The following POLR1A variants were observed in gnomAD, a reference collection of about 807,000 sequenced individuals.
POLR1A encodes the protein RNA polymerase I subunit A.
A neutral mutation model predicts 205.3 loss-of-function variants in POLR1A; 84 were observed. The observed-to-expected ratio is 0.41, with a 90% confidence interval of 0.34 to 0.49. POLR1A has a LOEUF of 0.49. Ranked by LOEUF, POLR1A falls within the 20% of genes least tolerant of loss-of-function variation. POLR1A has a pLI of 0.22. For missense variants in POLR1A, 1,645 were observed against 2,204.5 expected, an observed-to-expected ratio of 0.75 and a Z score of 5.08; for synonymous variants, 799 against 863.7, an observed-to-expected ratio of 0.93 and a Z score of 1.31.
chr2:86,042,222 G>A (rs1308751696), intron 23 of POLR1A, 119 bp from the exon 24 acceptor site: 1 of 731,018 alleles, frequency 1.4e-6, no homozygotes, highest in Admixed American at 2.2e-5. Flanking sequence ...ATTGCAATGA[G>A]AAACCATCTC....
At chr2:86,092,363 C>T (rs1007568131) in intron 3 of POLR1A, among the ~76,000 whole-genome samples, 3 of 152,188 alleles carry the variant, frequency 2.0e-5, no homozygotes, top group African/African-American at 7.2e-5. Context: ...AGGGGGGCTC[C>T]CATAGCCGCT....
Position 86,081,590 on chromosome 2 carries a change from A to C in POLR1A, c.923+11T>G. The C allele has an allele frequency of 6.6e-7, 1 of 1,509,234 alleles. No homozygotes were observed. The highest frequency in any genetic ancestry group is 9.1e-7 in the Non-Finnish European group (1 of 1,099,004). 93.5% of individuals were successfully genotyped at this position (1,509,234 alleles called of 1,614,324 possible). A position where few individuals can be genotyped will look rare whatever the true frequency, so the allele number is the denominator to read the frequency against. ...TTTTTCAGGTGAAATAAGTTAATTAAAGGGTATTACCTTGAGGGCGGCACC... is the reference window on the plus strand; with the variant it reads ...TTTTTCAGGTGAAATAAGTTAATTACAGGGTATTACCTTGAGGGCGGCACC... On this transcript the variant is annotated intron_variant, in intron 8 of 33. Coordinates refer to ENST00000263857, the MANE Select transcript of POLR1A (RefSeq NM_015425.6).
Position 86,080,907 on chromosome 2 carries a change from A to C in POLR1A, c.995T>G (p.Met332Arg). 1 of 1,614,116 alleles carries C rather than the reference A, an allele frequency of 6.2e-7. No homozygotes were observed. The highest frequency in any genetic ancestry group is 8.5e-7 in the Non-Finnish European group (1 of 1,179,944). Residue 332 changes from methionine to arginine, a missense_variant, in exon 9 of 34, where the codon ATG (methionine) becomes AGG (arginine). Around this residue, in one of 16 missense-constraint regions of POLR1A, gnomAD observed 78 missense variants for 77.7 expected, o/e 1.00. Transcript: ENST00000263857. ...TTTTCGAATCAGAACTACATCCTTC[A>C]TGACAGCCTGCAAGTTCACCGTCTG... is the stretch of plus-strand genomic sequence containing the variant. ...NGQTVNLQAV[M>R]KDVVLIRKLL...
chr2:86,098,600 T>C lies in POLR1A; in HGVS notation c.432+11A>G. On this transcript the variant is annotated intron_variant, in intron 3 of 33. Coordinates refer to ENST00000263857, the MANE Select transcript of POLR1A (RefSeq NM_015425.6). ...CTTTTCTGATTTCTGTGACCACCAC[T>C]ACCCACCTACCCTGTTCAGAATTCT... The C allele has an allele frequency of 1.2e-6, 2 of 1,611,828 alleles. No homozygotes were observed. The highest frequency in any genetic ancestry group is 1.7e-5 in the Admixed American group (1 of 59,368).
At chr2:86,065,129 C>A in intron 14 of POLR1A, 145 bp downstream of exon 14, 1 of 758,220 alleles carries the variant, frequency 1.3e-6, no homozygotes, top group Non-Finnish European at 2.1e-6. Context: ...GACTCAGGAA[C>A]CCCAAACAAA....
intron 13 of POLR1A, among the ~76,000 whole-genome samples, chr2:86,068,393 G>GGGGGC (rs1553436065): frequency 1.7e-5 from 2 of 115,676 alleles, no homozygotes; most frequent in African/African-American, 3.3e-5. Context: ...GGGCGGGGGG[G>GGGGGC]GGGGGCGGGT....
chr2:86,029,126 C>G (rs1672329423), intron 31 of POLR1A, among the ~76,000 whole-genome samples: 1 of 152,236 alleles, frequency 6.6e-6, no homozygotes, highest in Non-Finnish European at 1.5e-5. Flanking sequence ...GCCGCACAGG[C>G]ATGTGCTGGG....
intron 6 of POLR1A, among the ~76,000 whole-genome samples, chr2:86,084,605 G>A (rs1415793426): frequency 1.3e-5 from 2 of 151,612 alleles, no homozygotes; most frequent in Non-Finnish European, 2.9e-5. Context: ...AAGAGTATAC[G>A]GCTCAAATAT....
At position 86,080,829 on chromosome 2, in the gene POLR1A, G is replaced by C; in HGVS notation, c.1073C>G (p.Pro358Arg). The C allele has an allele frequency of 1.2e-6, 2 of 1,612,206 alleles. No individual in the cohort carries two copies. The highest frequency in any genetic ancestry group is 2.2e-5 in the East Asian group (1 of 44,868). The change falls in exon 9 of 34, where the codon CCC (proline) becomes CGC (arginine). Residue 358 changes from proline to arginine, a missense_variant. Transcript: ENST00000263857. ...AGCAGCCCTGACCTCATCTGTAGTG[G>C]GTGTGGCCACTTCCTCTGGCAACTT... ...EQKLPEEVAT[P>R]TTDEEKDSLI...
In POLR1A at chr2:86,065,730, C is replaced by A. The variant is rs192666243; in HGVS notation, c.1867-265G>T. ...CTTCAAACTCATCCCGTTCCCCCGGCCTTCTCTGTTTAATCCCATCTGGTT... is the reference window on the plus strand; with the variant it reads ...CTTCAAACTCATCCCGTTCCCCCGGACTTCTCTGTTTAATCCCATCTGGTT... On this transcript the variant is annotated intron_variant, in intron 13 of 33. Coordinates refer to ENST00000263857, the MANE Select transcript of POLR1A (RefSeq NM_015425.6). 104 of 408,780 alleles carry A rather than the reference C, an allele frequency of 2.5e-4. 1 individual carries two copies. Among genetic ancestry groups the A allele is most frequent in the Admixed American group, 6.7e-4 (16 of 23,892 alleles). 25.3% of individuals were successfully genotyped at this position (408,780 alleles called of 1,614,324 possible). A position where few individuals can be genotyped will look rare whatever the true frequency, so the allele number is the denominator to read the frequency against.
intron 24 of POLR1A, 139 bp downstream of exon 24, chr2:86,041,750 G>A: frequency 1.4e-6 from 1 of 711,064 alleles, no homozygotes; most frequent in Non-Finnish European, 2.4e-6. Flanking sequence ...GCCCCTGGCT[G>A]TCTTACTGCC....
rs1673164175 is a variant in POLR1A, at chr2:86,070,783, G to A, written c.1612-511C>T. On this transcript the variant is annotated intron_variant, in intron 12 of 33. Transcript: ENST00000263857. The surrounding 1 kb of genome is among the most constrained non-coding windows in gnomAD (Gnocchi z 4.4). The stretch of plus-strand genomic sequence containing the variant: ...AAAGTTTGCCCAGCTTCATATAGCA[G>A]AGCCAGAAAAGGGTTCTTAGTTAGT... Among the ~76,000 whole-genome samples, 1 of 151,140 alleles carries A rather than the reference G, an allele frequency of 6.6e-6. No homozygotes were observed. The highest frequency in any genetic ancestry group is 1.9e-4 in the East Asian group (1 of 5,174).
intron 1 of POLR1A, 78 bp from the exon 2 acceptor site, chr2:86,100,250 A>G (rs546319441): frequency 2.6e-4 from 290 of 1,096,344 alleles, no homozygotes; most frequent in Non-Finnish European, 3.8e-4. Flanking sequence ...ACAAACCTAT[A>G]GTTAAGTGAT....
intron 27 of POLR1A, among the ~76,000 whole-genome samples, chr2:86,034,359 G>A (rs1236893016): frequency 2.0e-5 from 3 of 152,220 alleles, no homozygotes; most frequent in Non-Finnish European, 4.4e-5. Context: ...CCGGCAATGT[G>A]ACGAAAGAAC....
At chr2:86,104,449 T>G (rs1446353580) in intron 1 of POLR1A, among the ~76,000 whole-genome samples, 2 of 10,284 alleles carry the variant, frequency 1.9e-4, no homozygotes, top group Non-Finnish European at 2.0e-3. Context: ...CGTGTTGAGT[T>G]TTTTTTTTTT....
rs1690210669 is a variant in POLR1A, at chr2:86,024,067, T to A, written c.*3356A>T. On this transcript the variant is annotated 3_prime_UTR_variant, in exon 34 of 34. Coordinates refer to ENST00000263857, the MANE Select transcript of POLR1A (RefSeq NM_015425.6). ...CTGGCCTCAGATATCTGTATATCCA[T>A]GTTCACAGCGTTATTTGCAACAGCC... The A allele has an allele frequency of 6.5e-6, 1 of 153,258 alleles. No individual in the cohort carries two copies. Among genetic ancestry groups the A allele is most frequent in the African/African-American group, 2.4e-5 (1 of 41,442 alleles). 9.5% of individuals were successfully genotyped at this position (153,258 alleles called of 1,614,324 possible).
intron 16 of POLR1A, 21 bp from the exon 17 acceptor site, chr2:86,049,263 G>T: frequency 1.3e-6 from 2 of 1,587,970 alleles, no homozygotes; most frequent in Non-Finnish European, 1.7e-6. Flanking sequence ...AAACAGACAA[G>T]CTTGTAGGCG....
chr2:86,081,728 C>G, intron 7 of POLR1A, 22 bp from the exon 8 acceptor site: 1 of 1,422,218 alleles, frequency 7.0e-7, no homozygotes, highest in Non-Finnish European at 9.9e-7. Flanking sequence ...AGAAATAAAC[C>G]AAGAAGACCA....
Position 86,054,221 on chromosome 2 carries a change from C to A in POLR1A, c.2127G>T (p.Ala709=). The A allele has an allele frequency of 6.2e-7, 1 of 1,613,948 alleles. No individual in the cohort carries two copies. Among genetic ancestry groups the A allele is most frequent in the Non-Finnish European group, 8.5e-7 (1 of 1,179,844 alleles). ...TCACCCAGGCTTTCCCAGTGATTTTCGCCTTTCCAGATAAGTTCAGTGGGA... is the reference window on the plus strand; with the variant it reads ...TCACCCAGGCTTTCCCAGTGATTTTAGCCTTTCCAGATAAGTTCAGTGGGA... ...DHIPLNLSGK[A]KITGKAWVKE... Residue 709 remains alanine (A), a synonymous_variant, in exon 15 of 34, where the codon GCG becomes GCT. Coordinates refer to ENST00000263857, the MANE Select transcript of POLR1A (RefSeq NM_015425.6).
Sources: gnomAD v4.1 joint callset for allele counts (sites outside exome capture counted in the v4.1 genomes callset) on GRCh38, gnomAD v4.1.1 for gene constraint, gnomAD v4.1.1 regional missense constraint, Gnocchi (gnomAD v3.1) non-coding constraint, MANE v1.5 for transcripts, NCBI Gene and HGNC (gene_info 2026-07-23, HGNC 2026-07-21) for gene names.